The following TFEB variants were observed in gnomAD, a reference collection of about 807,000 sequenced individuals.
TFEB encodes T-cell transcription factor EB.
TFEB carries 12 observed loss-of-function variants against 48.0 expected under a neutral mutation model. The observed-to-expected ratio is 0.25, with a 90% CI of 0.16 to 0.40. The LOEUF (loss-of-function observed/expected upper bound fraction) is 0.40. Among genes scored for constraint, TFEB ranks in the 10% least tolerant of loss-of-function variants. TFEB has a pLI of 1.00. For synonymous variants in TFEB, 244 were observed against 261.4 expected (o/e 0.93, Z 0.64); for missense variants, 509 against 640.3 (o/e 0.79, Z 2.21).
chr6:41,734,383 G>A lies in TFEB; in HGVS notation c.-23+967C>T. On this transcript the variant is annotated intron_variant, in intron 1 of 8. Coordinates refer to ENST00000373033, the MANE Select transcript of TFEB (RefSeq NM_001271944.2). The surrounding 1 kb of genome is among the most constrained non-coding windows in gnomAD (Gnocchi z 4.0). ...TGCTCGCGCAGCCCGGAGCAGCTCG[G>A]GGCAGCCGTGCGTGAAGCCGGAACC... is the stretch of plus-strand genomic sequence containing the variant. 1 of 985,016 alleles carries A rather than the reference G, an allele frequency of 1.0e-6. No homozygotes were observed. Among genetic ancestry groups the A allele is most frequent in the Non-Finnish European group, 1.2e-6 (1 of 829,770 alleles). The allele number at this position is 985,016 out of a possible 1,614,324, so 61.0% of individuals were successfully genotyped here.
At chr6:41,698,140 A>G (rs1769706587) in intron 1 of TFEB, among the ~76,000 whole-genome samples, 1 of 152,238 alleles carries the variant, frequency 6.6e-6, no homozygotes, top group Admixed American at 6.5e-5. Context: ...TTATTTCATG[A>G]TATGAGTGAC....
At position 41,690,986 on chromosome 6, in the gene TFEB, C is replaced by T. The variant is rs766434081; in HGVS notation, c.213+15G>A. ...AGTGGGGACAGGGTGGGGGGCAGGC[C>T]AGAACAGGCCCTACCTTCAACACCT... is the stretch of plus-strand genomic sequence containing the variant. On this transcript the variant is annotated intron_variant, in intron 2 of 8. Coordinates refer to ENST00000373033, the MANE Select transcript of TFEB (RefSeq NM_001271944.2). 6.4e-7 allele frequency: 1 copy of T among 1,569,482 alleles called. No individual in the cohort carries two copies. The highest frequency in any genetic ancestry group is 1.3e-5 in the African/African-American group (1 of 74,504).
At chr6:41,714,171 G>GCGTGTGTGTGCATGTGCA (rs1770621461) in intron 1 of TFEB, among the ~76,000 whole-genome samples, 1 of 143,108 alleles carries the variant, frequency 7.0e-6, no homozygotes, top group Admixed American at 6.9e-5. Flanking sequence ...GTGTGCATGT[G>GCGTGTGTGTGCATGTGCA]TGCGTGTGTG....
chr6:41,689,185 C>T (rs1769167365), intron 4 of TFEB, among the ~76,000 whole-genome samples: 1 of 152,170 alleles, frequency 6.6e-6, no homozygotes, highest in African/African-American at 2.4e-5. Flanking sequence ...AAGCCCAGCA[C>T]CTCCCCACCT....
At chr6:41,717,821 G>A (rs187375865) in intron 1 of TFEB, among the ~76,000 whole-genome samples, 63 of 152,316 alleles carry the variant, frequency 4.1e-4, no homozygotes, top group Non-Finnish European at 3.4e-4. Flanking sequence ...AAGGAGTCTG[G>A]CCCTAGCTCT....
chr6:41,697,724 G>A (rs1410296576), intron 1 of TFEB, among the ~76,000 whole-genome samples: 3 of 152,192 alleles, frequency 2.0e-5, no homozygotes, highest in Non-Finnish European at 4.4e-5. Flanking sequence ...ATGGAAAAAA[G>A]TCAAAACTAA....
chr6:41,722,488 C>T (rs1011711288), intron 1 of TFEB, among the ~76,000 whole-genome samples: 8 of 152,338 alleles, frequency 5.3e-5, no homozygotes, highest in African/African-American at 1.9e-4. Flanking sequence ...GGGTGAGGGG[C>T]CCACCTGTGG....
At position 41,735,493 on chromosome 6, in the gene TFEB, G is replaced by A; in HGVS notation, c.-166C>T. Reference sequence around the variant, plus strand: ...CCGTGCCACCAGGGAGGCCCGCCCCGTCCGCCCTTCCCGCCGCCGTCGGCG... The same window carrying A: ...CCGTGCCACCAGGGAGGCCCGCCCCATCCGCCCTTCCCGCCGCCGTCGGCG... On this transcript the variant is annotated 5_prime_UTR_variant, in exon 1 of 9. In the 5' UTR this introduces an upstream ATG that the reference lacks. Coordinates refer to ENST00000373033, the MANE Select transcript of TFEB (RefSeq NM_001271944.2). 1.0e-6 allele frequency: 1 copy of A among 984,610 alleles called. No individual in the cohort carries two copies. Among genetic ancestry groups the A allele is most frequent in the South Asian group, 4.7e-5 (1 of 21,498 alleles). The allele number at this position is 984,610 out of a possible 1,614,324, so 61.0% of individuals were successfully genotyped here.
intron 1 of TFEB, among the ~76,000 whole-genome samples, chr6:41,721,344 A>G (rs1472221498): frequency 3.3e-5 from 5 of 150,964 alleles, no homozygotes; most frequent in African/African-American, 1.2e-4. Context: ...TCACAGAAAA[A>G]TATACTTTAT....
intron 1 of TFEB, among the ~76,000 whole-genome samples, chr6:41,698,703 C>T (rs1007563152): frequency 2.6e-5 from 4 of 152,068 alleles, no homozygotes; most frequent in Non-Finnish European, 2.9e-5. Flanking sequence ...AGAAACTGAC[C>T]GCTAAACAAA....
chr6:41,697,325 T>G (rs928035649), intron 1 of TFEB, among the ~76,000 whole-genome samples: 2 of 142,630 alleles, frequency 1.4e-5, no homozygotes, highest in Non-Finnish European at 3.0e-5. Flanking sequence ...GGAGAATTGC[T>G]TGAACCCGGG....
At chr6:41,685,164 T>A in intron 8 of TFEB, 86 bp from the exon 9 acceptor site, 1 of 1,358,778 alleles carries the variant, frequency 7.4e-7, no homozygotes, top group South Asian at 2.0e-5. Flanking sequence ...ATCACAGCAC[T>A]TGCCCCTGCC....
At chr6:41,709,848 G>A (rs771927276) in intron 1 of TFEB, among the ~76,000 whole-genome samples, 1 of 152,056 alleles carries the variant, frequency 6.6e-6, no homozygotes, top group Non-Finnish European at 1.5e-5. Flanking sequence ...GTGCAGTGGC[G>A]CAACCACATC....
intron 1 of TFEB, among the ~76,000 whole-genome samples, chr6:41,693,448 G>C (rs922679648): frequency 3.3e-5 from 5 of 152,190 alleles, no homozygotes; most frequent in Admixed American, 6.5e-5. Flanking sequence ...GAAAGGGACA[G>C]AGCTGGAACC....
At chr6:41,733,158 T>TCCCA in intron 1 of TFEB, 2 of 543,270 alleles carry the variant, frequency 3.7e-6, no homozygotes, top group Non-Finnish European at 4.7e-6. Context: ...GGGGTGGGAG[T>TCCCA]CCCCTTCCAC....
At chr6:41,704,820 A>G (rs555808941) in intron 1 of TFEB, among the ~76,000 whole-genome samples, 11 of 152,342 alleles carry the variant, frequency 7.2e-5, no homozygotes, top group Admixed American at 5.9e-4. Context: ...TGAGCCCCAC[A>G]GGGAAATTAA....
intron 1 of TFEB, among the ~76,000 whole-genome samples, chr6:41,700,157 T>C (rs1363741838): frequency 6.6e-6 from 1 of 152,108 alleles, no homozygotes; most frequent in Non-Finnish European, 1.5e-5. Context: ...CCCCTATTTG[T>C]GATGAATAAA....
chr6:41,693,124 G>A (rs1186772178), intron 1 of TFEB, among the ~76,000 whole-genome samples: 1 of 152,204 alleles, frequency 6.6e-6, no homozygotes, highest in East Asian at 1.9e-4. Flanking sequence ...AGCCAGAGCT[G>A]TGTCTCAAGC....
intron 1 of TFEB, among the ~76,000 whole-genome samples, chr6:41,717,830 C>G (rs1275456396): frequency 1.3e-5 from 2 of 152,198 alleles, no homozygotes; most frequent in Non-Finnish European, 2.9e-5. Flanking sequence ...GGCCCTAGCT[C>G]TGTAACAGGT....
Sources: allele counts gnomAD v4.1 joint callset (sites outside exome capture counted in the v4.1 genomes callset), GRCh38; gene constraint gnomAD v4.1.1; non-coding constraint Gnocchi (gnomAD v3.1); transcripts MANE v1.5; gene names NCBI Gene and HGNC (gene_info 2026-07-23, HGNC 2026-07-21).